The following KCNN2 variants were observed in gnomAD, a reference collection of about 807,000 sequenced individuals.
The protein encoded by KCNN2 is small conductance calcium-activated potassium channel protein 2.
KCNN2 carries 24 observed loss-of-function variants against 55.5 expected under a neutral mutation model. The ratio of observed to expected loss-of-function variants is 0.43; its 90% CI spans 0.31 to 0.61. KCNN2 has a LOEUF of 0.61. Ranked by LOEUF, KCNN2 falls within the 20% of genes least tolerant of loss-of-function variation. The pLI is 0.08. For missense variants in KCNN2, 754 were observed against 853.6 expected (o/e 0.88, Z 1.45); for synonymous variants, 431 against 336.1 (o/e 1.28, Z -3.09).
At chr5:114,174,092 A>G (rs1020239809) in intron 1 of KCNN2, among the ~76,000 whole-genome samples, 4 of 152,088 alleles carry the variant, frequency 2.6e-5, no homozygotes, top group African/African-American at 9.7e-5. Context: ...AATATTTCTT[A>G]CAATGCAAAC....
intron 1 of KCNN2, among the ~76,000 whole-genome samples, chr5:114,079,097 T>A (rs574067011): frequency 2.6e-5 from 4 of 152,268 alleles, no homozygotes; most frequent in African/African-American, 9.6e-5. Context: ...TTCCTAACAA[T>A]CTTTGTAAAA....
At chr5:114,387,329 A>C (rs942400194) in intron 2 of KCNN2, among the ~76,000 whole-genome samples, 2 of 152,202 alleles carry the variant, frequency 1.3e-5, no homozygotes, top group African/African-American at 4.8e-5. Context: ...CAGGGAAGTA[A>C]CTATTAATGT....
At chr5:114,387,808 C>T (rs1419930426) in intron 2 of KCNN2, among the ~76,000 whole-genome samples, 1 of 152,190 alleles carries the variant, frequency 6.6e-6, no homozygotes. Flanking sequence ...GATGTTCATT[C>T]TCAGAGGCTT....
At chr5:114,276,973 A>G (rs1755504144) in intron 2 of KCNN2, among the ~76,000 whole-genome samples, 1 of 151,966 alleles carries the variant, frequency 6.6e-6, no homozygotes, top group Admixed American at 6.6e-5. Flanking sequence ...TGCAGTGGCT[A>G]CCGGTTGTTC....
intron 1 of KCNN2, among the ~76,000 whole-genome samples, chr5:114,077,026 C>G (rs1750697917): frequency 1.3e-5 from 2 of 152,032 alleles, no homozygotes; most frequent in African/African-American, 4.8e-5. Flanking sequence ...AATGAAAAGC[C>G]TAAGGTATGT....
At chr5:114,168,709 A>G (rs749849687) in intron 1 of KCNN2, among the ~76,000 whole-genome samples, 1 of 151,986 alleles carries the variant, frequency 6.6e-6, no homozygotes, top group Non-Finnish European at 1.5e-5. Context: ...GTGTAGCAAA[A>G]CCATTTCTTG....
At chr5:114,127,373 GTGC>G (rs1751960000) in intron 1 of KCNN2, among the ~76,000 whole-genome samples, 1 of 152,190 alleles carries the variant, frequency 6.6e-6, no homozygotes, top group Non-Finnish European at 1.5e-5. Context: ...CCCAACGTCA[GTGC>G]TTGACTTTTG....
intron 1 of KCNN2, among the ~76,000 whole-genome samples, chr5:114,172,743 G>A (rs1264688951): frequency 6.6e-6 from 1 of 151,336 alleles, no homozygotes; most frequent in African/African-American, 2.4e-5. Flanking sequence ...TGTCTTTTGA[G>A]AAATGTCTAT....
chr5:114,425,852 A>G (rs1393403124), intron 3 of KCNN2, among the ~76,000 whole-genome samples: 1 of 152,072 alleles, frequency 6.6e-6, no homozygotes, highest in African/African-American at 2.4e-5. Context: ...TCCCATGGTC[A>G]GGTCCCCACC....
At chr5:114,337,771 T>C (rs1249570623) in intron 2 of KCNN2, among the ~76,000 whole-genome samples, 1 of 152,184 alleles carries the variant, frequency 6.6e-6, no homozygotes, top group Non-Finnish European at 1.5e-5. Flanking sequence ...ATATTGAATT[T>C]TACCCTGTAG....
chr5:114,075,728 A>AG (rs112707920), intron 1 of KCNN2, among the ~76,000 whole-genome samples: 80,130 of 151,934 alleles, frequency 0.53, 22,119 homozygotes, highest in East Asian at 0.69. Context: ...TTTTTAGCTA[A>AG]GGGGGCATTA....
At chr5:114,218,005 T>C (rs1242564957) in intron 1 of KCNN2, among the ~76,000 whole-genome samples, 1 of 152,174 alleles carries the variant, frequency 6.6e-6, no homozygotes, top group Admixed American at 6.5e-5. Flanking sequence ...CTTCATATCA[T>C]GTATCATAAG....
chr5:114,348,413 AAAGTAT>A (rs1358499905), intron 2 of KCNN2, among the ~76,000 whole-genome samples: 1 of 152,046 alleles, frequency 6.6e-6, no homozygotes. Context: ...CCTAAAACTT[AAAGTAT>A]AATAATAATA....
At chr5:114,374,510 T>A (rs1336834397) in intron 2 of KCNN2, among the ~76,000 whole-genome samples, 1 of 152,160 alleles carries the variant, frequency 6.6e-6, no homozygotes, top group Non-Finnish European at 1.5e-5. Context: ...GTGCTTGGAG[T>A]ACAGTGGTCT....
At chr5:114,219,887 A>T (rs1580631275) in intron 1 of KCNN2, among the ~76,000 whole-genome samples, 2 of 152,246 alleles carry the variant, frequency 1.3e-5, no homozygotes, top group East Asian at 3.8e-4. Flanking sequence ...TCTATAGATA[A>T]ACTGTATGTT....
At chr5:114,440,173 C>T (rs2416371) in intron 3 of KCNN2, among the ~76,000 whole-genome samples, 24,133 of 151,838 alleles carry the variant, frequency 0.16, 2,133 homozygotes, top group Middle Eastern at 0.23. Context: ...GACACATGAA[C>T]GTAAAAGGAG....
chr5:114,057,999 T>C (rs1750246577), intron 1 of KCNN2, among the ~76,000 whole-genome samples: 1 of 152,218 alleles, frequency 6.6e-6, no homozygotes, highest in African/African-American at 2.4e-5. Context: ...TGATGTTATA[T>C]CCTAATTTCA....
In KCNN2 at chr5:114,140,762, CATTATTATT is replaced by C. The variant is rs61070958; in HGVS notation, c.-270-80684_-270-80676del. ...TATTGCAAAACATTACTGTCATCCT[CATTATTATT>C]ATTATTATTATTATTATTATTATTA... On this transcript the variant is annotated intron_variant, in intron 1 of 10. Coordinates refer to the KCNN2 transcript ENST00000512097. 1.9e-3 allele frequency among the ~76,000 whole-genome samples: 268 copies of C among 139,906 alleles called. 2 individuals are homozygous for C. The highest frequency in any genetic ancestry group is 0.015 in the Middle Eastern group (4 of 270). The allele number at this position is 139,906 out of a possible 152,430, so 91.8% of individuals were successfully genotyped here.
At chr5:114,379,269 A>G (rs1051782926) in intron 2 of KCNN2, among the ~76,000 whole-genome samples, 3 of 152,006 alleles carry the variant, frequency 2.0e-5, no homozygotes, top group Admixed American at 2.0e-4. Context: ...AAGAGTCCTC[A>G]GGAAACTATG....
Sources: gnomAD v4.1 joint callset for allele counts (sites outside exome capture counted in the v4.1 genomes callset) on GRCh38, gnomAD v4.1.1 for gene constraint, MANE v1.5 for transcripts, NCBI Gene and HGNC (gene_info 2026-07-23, HGNC 2026-07-21) for gene names.